TSPAN3: variants seen among roughly 807,000 people sequenced by gnomAD.
The protein encoded by TSPAN3 is tetraspanin-3.
In TSPAN3, 9 loss-of-function variants were observed where a neutral mutation model predicts 31.1. The ratio of observed to expected loss-of-function variants is 0.29; its 90% CI spans 0.17 to 0.50. TSPAN3 has a LOEUF of 0.50. Ranked by LOEUF, TSPAN3 falls within the 20% of genes least tolerant of loss-of-function variation. The probability of loss-of-function intolerance (pLI) is 0.98; values close to 1 mark genes in which losing one functional copy is unlikely to be tolerated. For synonymous variants in TSPAN3, 129 were observed against 114.3 expected (o/e 1.13, Z -0.82); for missense variants, 252 against 313.5 (o/e 0.80, Z 1.48).
chr15:77,057,256 G>A (rs1424482378), intron 1 of TSPAN3, among the ~76,000 whole-genome samples: 3 of 152,300 alleles, frequency 2.0e-5, no homozygotes, highest in Non-Finnish European at 4.4e-5. Flanking sequence ...TTATCACTTG[G>A]ATAACAATGA....
At chr15:77,070,160 G>A (rs1033909112) in intron 1 of TSPAN3, 3 of 152,146 alleles carry the variant, frequency 2.0e-5, no homozygotes, top group African/African-American at 4.8e-5. Flanking sequence ...CTTTCAAAGA[G>A]GGTGTACCCC....
chr15:77,062,837 G>A (rs563409243), intron 1 of TSPAN3, among the ~76,000 whole-genome samples: 4 of 152,148 alleles, frequency 2.6e-5, no homozygotes, highest in Non-Finnish European at 5.9e-5. Flanking sequence ...ATTCAGCCCT[G>A]AAATATTTTC....
intron 4 of TSPAN3, among the ~76,000 whole-genome samples, chr15:77,053,482 A>AAAAAAAAAAAAAGAAAAAAAAAAAAAAAG (rs1369157058): frequency 7.3e-6 from 1 of 137,784 alleles, no homozygotes; most frequent in African/African-American, 3.0e-5. Context: ...AAAAAAAAAA[A>AAAAAAAAAAAAAGAAAAAAAAAAAAAAAG]AAAAAAAAAA....
rs1038888498 is a variant in TSPAN3, at chr15:77,071,106, A to C, written c.-152T>G. On this transcript the variant is annotated 5_prime_UTR_variant, in exon 1 of 7. Transcript: ENST00000267970. ...GCCGTCGCGCAGCCCCGACCCCAGC[A>C]AGTGCCTCGCTCCTCCGCGCAGCCG... is the stretch of plus-strand genomic sequence containing the variant. 1.6e-5 allele frequency: 7 copies of C among 426,802 alleles called. No homozygotes were observed. The highest frequency in any genetic ancestry group is 2.6e-5 in the Non-Finnish European group (7 of 266,874). The allele number at this position is 426,802 out of a possible 1,614,324, so 26.4% of individuals were successfully genotyped here.
At position 77,042,954 on chromosome 15, in the gene TSPAN3, C is replaced by A. The variant is rs2076668181; in HGVS notation, c.*3881G>T. The stretch of plus-strand genomic sequence containing the variant: ...CCTGACCTTGCCCTTCCTTGTCACA[C>A]TGAAGAGGGGGCTCTGAAAACTCCT... On this transcript the variant is annotated 3_prime_UTR_variant, in exon 7 of 7. Coordinates refer to ENST00000267970, the MANE Select transcript of TSPAN3 (RefSeq NM_005724.6). 1 of 152,284 alleles carries A rather than the reference C, an allele frequency of 6.6e-6. No individual in the cohort carries two copies. Among genetic ancestry groups the A allele is most frequent in the African/African-American group, 2.4e-5 (1 of 41,448 alleles). 9.4% of individuals were successfully genotyped at this position (152,284 alleles called of 1,614,324 possible).
At chr15:77,052,304 G>T in intron 6 of TSPAN3, 81 bp downstream of exon 6, 1 of 1,211,862 alleles carries the variant, frequency 8.3e-7, no homozygotes, top group Non-Finnish European at 1.2e-6. Context: ...AAGATTCACT[G>T]TGATGGGGAT....
chr15:77,053,974 T>TA (rs998323122), intron 4 of TSPAN3, among the ~76,000 whole-genome samples: 3 of 151,870 alleles, frequency 2.0e-5, no homozygotes, highest in East Asian at 1.9e-4. Context: ...AATCAGATGA[T>TA]AAAAAAAAGT....
At chr15:77,062,622 A>AT (rs1356776236) in intron 1 of TSPAN3, among the ~76,000 whole-genome samples, 2 of 152,216 alleles carry the variant, frequency 1.3e-5, no homozygotes, top group Admixed American at 6.5e-5. Context: ...ATAGAGAATC[A>AT]TTTTTTTGGA....
chr15:77,056,689 A>AC (rs2076770983), intron 1 of TSPAN3, among the ~76,000 whole-genome samples: 1 of 152,124 alleles, frequency 6.6e-6, no homozygotes. Context: ...TCCAGAATCT[A>AC]CACTTCTAAT....
chr15:77,053,859 T>A (rs2076750036), intron 4 of TSPAN3, among the ~76,000 whole-genome samples: 1 of 152,034 alleles, frequency 6.6e-6, no homozygotes, highest in African/African-American at 2.4e-5. Context: ...TCCCCTGGAG[T>A]CAATCTGGAC....
At chr15:77,065,913 C>T (rs1263674903) in intron 1 of TSPAN3, among the ~76,000 whole-genome samples, 1 of 152,102 alleles carries the variant, frequency 6.6e-6, no homozygotes, top group Non-Finnish European at 1.5e-5. Context: ...CAGTTTTATA[C>T]TATCACCTCT....
chr15:77,052,104 T>A (rs2076735503), intron 6 of TSPAN3, among the ~76,000 whole-genome samples: 1 of 152,252 alleles, frequency 6.6e-6, no homozygotes, highest in African/African-American at 2.4e-5. Context: ...AGTTCGTTTA[T>A]GTTTTGAACA....
At chr15:77,047,207 C>G (rs921013172) in intron 6 of TSPAN3, among the ~76,000 whole-genome samples, 4 of 152,186 alleles carry the variant, frequency 2.6e-5, no homozygotes, top group African/African-American at 9.7e-5. Context: ...GAGTGCTGTC[C>G]GAAAGAACTT....
intron 1 of TSPAN3, chr15:77,068,307 T>C (rs2076846155): frequency 6.6e-6 from 1 of 152,238 alleles, no homozygotes; most frequent in Non-Finnish European, 1.5e-5. Flanking sequence ...ACCACTTCAG[T>C]CTTGGCAATA....
At chr15:77,069,632 A>T (rs1173550928) in intron 1 of TSPAN3, among the ~76,000 whole-genome samples, 1 of 152,196 alleles carries the variant, frequency 6.6e-6, no homozygotes, top group Non-Finnish European at 1.5e-5. Context: ...ACAAGTGTGT[A>T]GCAAGTGCTT....
intron 6 of TSPAN3, among the ~76,000 whole-genome samples, chr15:77,051,557 A>C (rs1357934936): frequency 6.6e-6 from 1 of 151,616 alleles, no homozygotes. Context: ...AGAAAAGAAA[A>C]GAAAGCATAA....
At chr15:77,056,282 C>A in intron 1 of TSPAN3, 27 bp from the exon 2 acceptor site, 4 of 1,534,446 alleles carry the variant, frequency 2.6e-6, no homozygotes, top group South Asian at 2.5e-5. Flanking sequence ...CAGTACTGGT[C>A]TCTAAGCACT....
At position 77,054,356 on chromosome 15, in the gene TSPAN3, T is replaced by C. The variant is rs1373156906; in HGVS notation, c.331-77A>G. 6 of 1,038,470 alleles carry C rather than the reference T, an allele frequency of 5.8e-6. No individual in the cohort carries two copies. In the African/African-American group the frequency reaches 7.9e-5, roughly 14 times the overall value. The allele number at this position is 1,038,470 out of a possible 1,614,324, so 64.3% of individuals were successfully genotyped here. ...TTAGTCAAGGCTCCTACTAAAATAC[T>C]TAAATGAAATGTTTGCAAGTTGCCA... On this transcript the variant is annotated intron_variant, in intron 3 of 6. Transcript: ENST00000267970.
At chr15:77,069,847 A>C (rs939155825) in intron 1 of TSPAN3, 1 of 152,308 alleles carries the variant, frequency 6.6e-6, no homozygotes, top group African/African-American at 2.4e-5. Context: ...TGGACAGAGC[A>C]ATCTGTCCAG....
Sources: gnomAD v4.1 joint callset for allele counts (sites outside exome capture counted in the v4.1 genomes callset) on GRCh38, gnomAD v4.1.1 for gene constraint, MANE v1.5 for transcripts, NCBI Gene and HGNC (gene_info 2026-07-23, HGNC 2026-07-21) for gene names.